NUCKS1: variants seen among roughly 807,000 people sequenced by gnomAD.
NUCKS1 encodes the protein nuclear ubiquitous casein and cyclin-dependent kinase substrate 1.
NUCKS1 carries 2 observed loss-of-function variants against 33.0 expected under a neutral mutation model. The observed-to-expected ratio is 0.06, with a 90% CI of 0.02 to 0.19. The LOEUF (loss-of-function observed/expected upper bound fraction) is 0.19, where lower values mean the gene tolerates loss of function less well. Ranked by LOEUF, NUCKS1 falls within the 10% of genes least tolerant of loss-of-function variation. NUCKS1 has a pLI of 1.00. For missense variants in NUCKS1, 201 were observed against 293.6 expected (o/e 0.68, Z 2.31); for synonymous variants, 106 against 102.8 (o/e 1.03, Z -0.19).
intron 3 of NUCKS1, among the ~76,000 whole-genome samples, chr1:205,724,704 A>C (rs12128386): frequency 2.9e-4 from 44 of 150,986 alleles, no homozygotes; most frequent in Non-Finnish European, 5.3e-4. Context: ...CACCCCCCCC[A>C]AAAAAAGGAA....
intron 1 of NUCKS1, among the ~76,000 whole-genome samples, chr1:205,746,439 T>TCACA (rs1208239032): frequency 5.2e-5 from 2 of 38,718 alleles, no homozygotes; most frequent in Admixed American, 3.4e-4. Flanking sequence ...AACTCACTTC[T>TCACA]CTCTCTCTCT....
At chr1:205,729,460 T>G in intron 2 of NUCKS1, 112 bp downstream of exon 2, 1 of 806,142 alleles carries the variant, frequency 1.2e-6, no homozygotes. Flanking sequence ...TTTTGGTAAA[T>G]GATCTAAAAA....
chr1:205,726,748 T>C (rs894838258), intron 3 of NUCKS1, among the ~76,000 whole-genome samples: 3 of 152,148 alleles, frequency 2.0e-5, no homozygotes, highest in African/African-American at 4.8e-5. Context: ...AAGTTAATAT[T>C]TACCCAAATA....
intron 1 of NUCKS1, among the ~76,000 whole-genome samples, chr1:205,747,163 C>T (rs1654352498): frequency 1.3e-5 from 2 of 152,036 alleles, no homozygotes; most frequent in South Asian, 2.1e-4. Flanking sequence ...AGCGATCATG[C>T]GGGTGGGGAC....
chr1:205,723,371 C>T (rs1240376560), intron 4 of NUCKS1, among the ~76,000 whole-genome samples: 1 of 152,058 alleles, frequency 6.6e-6, no homozygotes, highest in African/African-American at 2.4e-5. Flanking sequence ...CAGGACTGAA[C>T]ATTTTATTTG....
Position 205,718,354 on chromosome 1 carries a change from T to G in NUCKS1, c.658A>C (p.Thr220Pro). Residue 220 changes from threonine to proline, a missense_variant, in exon 7 of 7, where the codon ACA becomes CCA. Thr to Pro is a conservative substitution (Grantham distance 38). Coordinates refer to ENST00000367142, the MANE Select transcript of NUCKS1 (RefSeq NM_022731.5). ...EEPESPPEKK[T>P]STSPPPEKSG... ...TTCTCGGGTGGGGGGCTTGTAGATGTTTTCTTTTCTGGCGGGCTTTCCGGT... is the reference window on the plus strand; with the variant it reads ...TTCTCGGGTGGGGGGCTTGTAGATGGTTTCTTTTCTGGCGGGCTTTCCGGT... The G allele has an allele frequency of 6.2e-7, 1 of 1,613,816 alleles. No individual in the cohort carries two copies. Among genetic ancestry groups the G allele is most frequent in the Non-Finnish European group, 8.5e-7 (1 of 1,179,958 alleles).
intron 1 of NUCKS1, among the ~76,000 whole-genome samples, chr1:205,743,608 T>C (rs1373848417): frequency 2.6e-5 from 4 of 152,356 alleles, no homozygotes; most frequent in East Asian, 1.9e-4. Flanking sequence ...CACAGAAAGA[T>C]TGTTTTGTTC....
intron 1 of NUCKS1, among the ~76,000 whole-genome samples, chr1:205,738,701 A>G (rs1654092815): frequency 6.6e-6 from 1 of 152,134 alleles, no homozygotes; most frequent in South Asian, 2.1e-4. Flanking sequence ...ATTCAAGATC[A>G]GCCTAGGCAT....
intron 1 of NUCKS1, among the ~76,000 whole-genome samples, chr1:205,748,127 A>G (rs533498438): frequency 3.6e-4 from 55 of 152,280 alleles, no homozygotes; most frequent in African/African-American, 1.3e-3. Context: ...CCTCCAAAAA[A>G]CTGATAGAAT....
At chr1:205,723,696 T>C (rs962130400) in intron 4 of NUCKS1, among the ~76,000 whole-genome samples, 1 of 152,198 alleles carries the variant, frequency 6.6e-6, no homozygotes, top group Non-Finnish European at 1.5e-5. Context: ...CTTAGATCTA[T>C]TTAATCAGAA....
In NUCKS1 at chr1:205,749,349, G is replaced by A. The variant is rs1448772517; in HGVS notation, c.17+608C>T. 2.0e-5 allele frequency among the ~76,000 whole-genome samples: 3 copies of A among 152,232 alleles called. No individual in the cohort carries two copies. The East Asian group carries it at 5.8e-4, about 29-fold the overall frequency. On this transcript the variant is annotated intron_variant, in intron 1 of 6. Transcript: ENST00000367142. Reference sequence around the variant, plus strand: ...CTTTTGCCCGGGGGGAAAAAAACGGGTCCCGCCCACGCTCGGCCCGATCCG... The same window carrying A: ...CTTTTGCCCGGGGGGAAAAAAACGGATCCCGCCCACGCTCGGCCCGATCCG...
At chr1:205,739,438 A>G (rs908294799) in intron 1 of NUCKS1, among the ~76,000 whole-genome samples, 3 of 152,218 alleles carry the variant, frequency 2.0e-5, no homozygotes, top group Non-Finnish European at 4.4e-5. Context: ...ACATAAAAAA[A>G]TATTGAGGGC....
At chr1:205,740,268 G>A (rs1654134846) in intron 1 of NUCKS1, among the ~76,000 whole-genome samples, 1 of 151,782 alleles carries the variant, frequency 6.6e-6, no homozygotes, top group Non-Finnish European at 1.5e-5. Context: ...GCCTCCCAAA[G>A]TGCTGGGATT....
At chr1:205,732,504 C>T (rs1008080524) in intron 1 of NUCKS1, among the ~76,000 whole-genome samples, 4 of 152,042 alleles carry the variant, frequency 2.6e-5, no homozygotes, top group Admixed American at 1.3e-4. Context: ...TAACATGGGC[C>T]GGGCACAGTG....
chr1:205,749,413 G>A (rs993449438), intron 1 of NUCKS1, among the ~76,000 whole-genome samples: 8 of 152,192 alleles, frequency 5.3e-5, no homozygotes, highest in Non-Finnish European at 1.2e-4. Flanking sequence ...GACAGAGGCG[G>A]GGCCGGTTGG....
At chr1:205,745,460 C>A (rs1003054990) in intron 1 of NUCKS1, among the ~76,000 whole-genome samples, 1 of 151,630 alleles carries the variant, frequency 6.6e-6, no homozygotes, top group African/African-American at 2.4e-5. Flanking sequence ...AGTGCACTCC[C>A]GCCTGGGTGA....
intron 1 of NUCKS1, among the ~76,000 whole-genome samples, chr1:205,739,765 AT>A (rs534193180): frequency 1.2e-3 from 183 of 151,808 alleles, no homozygotes; most frequent in South Asian, 3.5e-3. Flanking sequence ...GATTTTGTTT[AT>A]TTTTTGTAGA....
rs887841960 is a variant in NUCKS1, at chr1:205,718,102, AAAG to A, written c.*175_*177del. 15 of 1,239,498 alleles carry A rather than the reference AAAG, an allele frequency of 1.2e-5. No individual in the cohort carries two copies. The highest frequency in any genetic ancestry group is 9.5e-5 in the African/African-American group (6 of 63,480). The allele number at this position is 1,239,498 out of a possible 1,614,324, so 76.8% of individuals were successfully genotyped here. A position where few individuals can be genotyped will look rare whatever the true frequency, so the allele number is the denominator to read the frequency against. ...GTTTGCTTTAAAAAAAAAAAAAAAA[AAAG>A]AGAGAGAGAGAGAAATGTTACTTTC... On this transcript the variant is annotated 3_prime_UTR_variant, in exon 7 of 7. Transcript: ENST00000367142.
chr1:205,746,488 CT>C lies in NUCKS1; in HGVS notation c.17+3468del, dbSNP rs1281231881. Among the ~76,000 whole-genome samples the C allele has an allele frequency of 8.2e-3, 1,015 of 123,846 alleles. 13 individuals carry two copies. The highest frequency in any genetic ancestry group is 0.042 in the East Asian group (208 of 4,976). 81.2% of individuals were successfully genotyped at this position (123,846 alleles called of 152,430 possible). A position where few individuals can be genotyped will look rare whatever the true frequency, so the allele number is the denominator to read the frequency against. ...ACACACACACACACACACACACACACTAGAGAATAAGAGAATGAGCCAGTCT... is the reference window on the plus strand; with the variant it reads ...ACACACACACACACACACACACACACAGAGAATAAGAGAATGAGCCAGTCT... On this transcript the variant is annotated intron_variant, in intron 1 of 6. Transcript: ENST00000367142.
Sources: gnomAD v4.1 joint callset for allele counts (sites outside exome capture counted in the v4.1 genomes callset) on GRCh38, gnomAD v4.1.1 for gene constraint, MANE v1.5 for transcripts, NCBI Gene and HGNC (gene_info 2026-07-23, HGNC 2026-07-21) for gene names.